BRI3: variants seen among roughly 807,000 people sequenced by gnomAD.
The protein encoded by BRI3 is brain protein I3, also known as membrane protein BRI3.
In BRI3, 6 loss-of-function variants were observed where a neutral mutation model predicts 12.8. The observed-to-expected ratio is 0.47, with a 90% CI of 0.26 to 0.93. The LOEUF is 0.93. Ranked by LOEUF, BRI3 falls within the 40% of genes least tolerant of loss-of-function variation. The probability of loss-of-function intolerance (pLI) is 0.15; values close to 1 mark genes in which losing one functional copy is unlikely to be tolerated. For synonymous variants in BRI3, 91 were observed against 76.1 expected, an observed-to-expected ratio of 1.20 and a Z score of -1.02; for missense variants, 134 against 171.1, an observed-to-expected ratio of 0.78 and a Z score of 1.21.
intron 1 of BRI3, 95 bp downstream of exon 1, chr7:98,282,032 G>A: frequency 7.7e-7 from 1 of 1,306,096 alleles, no homozygotes; most frequent in Non-Finnish European, 9.7e-7. Context: ...CCCGCCCGGG[G>A]GTCCTTCCTG....
In BRI3 at chr7:98,288,882, G is replaced by T. The variant is rs144096497; in HGVS notation, c.246-2229G>T. ...GCTGCAGTTGCAGGCGTGAGCCACGGTGTCCTACTCCACTGGAGATTGCTG... is the reference window on the plus strand; with the variant it reads ...GCTGCAGTTGCAGGCGTGAGCCACGTTGTCCTACTCCACTGGAGATTGCTG... On this transcript the variant is annotated intron_variant, in intron 2 of 2. Transcript: ENST00000297290. Among the ~76,000 whole-genome samples the T allele has an allele frequency of 5.9e-3, 895 of 152,134 alleles. 18 individuals are homozygous for T. The highest frequency in any genetic ancestry group is 0.02 in the African/African-American group (841 of 41,506).
downstream of BRI3, chr7:98,310,463 T>C: frequency 1.2e-6 from 2 of 1,600,276 alleles, no homozygotes; most frequent in Non-Finnish European, 1.7e-6. Context: ...TTATTTACCC[T>C]TTGTGAATTC....
chr7:98,296,634 A>C (rs545793179), downstream of BRI3, among the ~76,000 whole-genome samples: 1 of 152,350 alleles, frequency 6.6e-6, no homozygotes, highest in East Asian at 1.9e-4. Flanking sequence ...TAAAAAACAA[A>C]AAAACAAAAA....
exon 2 of BRI3, chr7:98,307,797 G>A (rs766388826): frequency 2.8e-5 from 46 of 1,614,138 alleles, no homozygotes; most frequent in Non-Finnish European, 3.6e-5. Flanking sequence ...GTTGGAGCCC[G>A]CAGTGTGCGG....
chr7:98,305,070 T>A (rs1366779643), upstream of BRI3, among the ~76,000 whole-genome samples: 4 of 146,664 alleles, frequency 2.7e-5, no homozygotes, highest in African/African-American at 7.7e-5. Context: ...TTTTTTTTTT[T>A]AGTAGAGACG....
At chr7:98,304,268 G>T (rs146759713), upstream of BRI3, 17 of 1,613,668 alleles carry the variant, frequency 1.1e-5, no homozygotes, top group African/African-American at 2.3e-4. Context: ...CTGCTCTCCT[G>T]TCGGCAGCTG....
upstream of BRI3, among the ~76,000 whole-genome samples, chr7:98,306,029 GACAA>G (rs773664062): frequency 3.9e-5 from 6 of 152,132 alleles, no homozygotes; most frequent in East Asian, 1.9e-4. Flanking sequence ...TGAGGCAGAA[GACAA>G]ACAGAGCACA....
At chr7:98,312,194 T>C, downstream of BRI3, 2 of 1,614,164 alleles carry the variant, frequency 1.2e-6, no homozygotes, top group Non-Finnish European at 1.7e-6. Flanking sequence ...CATGATTTTC[T>C]CTGGCACTTT....
intron 1 of BRI3, among the ~76,000 whole-genome samples, chr7:98,301,424 T>C (rs548256377): frequency 1.3e-4 from 20 of 151,288 alleles, no homozygotes; most frequent in Non-Finnish European, 1.9e-4. Context: ...AAACCAGAAA[T>C]GAAAGGCTGC....
downstream of BRI3, among the ~76,000 whole-genome samples, chr7:98,313,578 G>A (rs1800958641): frequency 6.6e-6 from 1 of 152,096 alleles, no homozygotes. Context: ...GTTGACAAAA[G>A]TGATCACCTA....
At chr7:98,297,133 A>G (rs189647321), downstream of BRI3, among the ~76,000 whole-genome samples, 628 of 152,364 alleles carry the variant, frequency 4.1e-3, 10 homozygotes, top group Non-Finnish European at 9.0e-4. Context: ...ACTGGAGACT[A>G]TAGAGCGAGG....
chr7:98,292,547 G>A (rs1445844163), downstream of BRI3: 22 of 1,248,226 alleles, frequency 1.8e-5, no homozygotes, highest in Non-Finnish European at 1.1e-6. Context: ...CCCGGGCTCA[G>A]GGCAGCCAGT....
downstream of BRI3, chr7:98,294,219 C>A (rs1323282018): frequency 1.7e-6 from 2 of 1,177,480 alleles, no homozygotes; most frequent in East Asian, 2.6e-5. Context: ...TTTCGAACTC[C>A]TGAGCTCACG....
At chr7:98,302,739 A>G (rs1213834080), upstream of BRI3, among the ~76,000 whole-genome samples, 2 of 152,202 alleles carry the variant, frequency 1.3e-5, no homozygotes, top group Non-Finnish European at 2.9e-5. Flanking sequence ...TCCACCAATT[A>G]TAATGTATGG....
the BRI3 span, among the ~76,000 whole-genome samples, chr7:98,316,703 T>C: frequency 6.6e-6 from 1 of 152,194 alleles, no homozygotes; most frequent in African/African-American, 2.4e-5. Context: ...TACTCTGCTA[T>C]TGGACACTAG....
At chr7:98,294,909 G>A (rs1283883520), downstream of BRI3, among the ~76,000 whole-genome samples, 1 of 152,188 alleles carries the variant, frequency 6.6e-6, no homozygotes, top group Non-Finnish European at 1.5e-5. Flanking sequence ...GGCCAGGTGT[G>A]TGCGCGCCTT....
At chr7:98,294,177 G>A, downstream of BRI3, 3 of 1,542,182 alleles carry the variant, frequency 1.9e-6, no homozygotes, top group Non-Finnish European at 2.7e-6. Flanking sequence ...ATTTTAGGTA[G>A]AGATGGGGAT....
chr7:98,293,056 A>G (rs1721702499), downstream of BRI3: 3 of 844,390 alleles, frequency 3.6e-6, no homozygotes, highest in Non-Finnish European at 4.4e-6. Flanking sequence ...ATTGCTTAAA[A>G]TTATGATTTG....
chr7:98,286,293 C>T (rs534739745), intron 2 of BRI3, among the ~76,000 whole-genome samples: 7 of 152,324 alleles, frequency 4.6e-5, no homozygotes, highest in African/African-American at 1.4e-4. Context: ...GCGGGAGCCC[C>T]GCGGCCTCTA....
Sources: allele counts gnomAD v4.1 joint callset (sites outside exome capture counted in the v4.1 genomes callset), GRCh38; gene constraint gnomAD v4.1.1; transcripts MANE v1.5; gene names NCBI Gene and HGNC (gene_info 2026-07-23, HGNC 2026-07-21).